The following CDH6 variants were observed in gnomAD, a reference collection of about 807,000 sequenced individuals.
The protein encoded by CDH6 is cadherin-6.
In CDH6, 31 loss-of-function variants were observed where a neutral mutation model predicts 78.0. That is an observed-to-expected ratio of 0.40 (90% confidence interval 0.30 to 0.54). CDH6 has a LOEUF of 0.54. Among genes scored for constraint, CDH6 ranks in the 20% least tolerant of loss-of-function variants. The probability of loss-of-function intolerance (pLI) is 0.56; values close to 1 mark genes in which losing one functional copy is unlikely to be tolerated. For synonymous variants in CDH6, 376 were observed against 368.8 expected, an observed-to-expected ratio of 1.02 and a Z score of -0.23; for missense variants, 724 against 975.9, an observed-to-expected ratio of 0.74 and a Z score of 3.44.
intron 7 of CDH6, among the ~76,000 whole-genome samples, chr5:31,311,462 C>A (rs1738152754): frequency 6.6e-6 from 1 of 152,168 alleles, no homozygotes; most frequent in Non-Finnish European, 1.5e-5. Context: ...CTGAACCCTC[C>A]AATCTGTTCC....
intron 11 of CDH6, chr5:31,318,264 T>C (rs1184179788): frequency 1.8e-6 from 1 of 562,560 alleles, no homozygotes; most frequent in African/African-American, 1.9e-5. Flanking sequence ...TTGGAAAACG[T>C]TGTTAAGTGT....
chr5:31,215,475 A>C (rs1740836353), intron 1 of CDH6, among the ~76,000 whole-genome samples: 1 of 152,218 alleles, frequency 6.6e-6, no homozygotes, highest in African/African-American at 2.4e-5. Flanking sequence ...ACCTAATAAA[A>C]AATATAACTC....
At chr5:31,257,581 G>A (rs1742091958) in intron 1 of CDH6, among the ~76,000 whole-genome samples, 1 of 152,192 alleles carries the variant, frequency 6.6e-6, no homozygotes, top group Admixed American at 6.5e-5. Flanking sequence ...TTTATCTGGT[G>A]TTACTATGTG....
At chr5:31,244,912 C>A (rs1561039824) in intron 1 of CDH6, among the ~76,000 whole-genome samples, 1 of 152,202 alleles carries the variant, frequency 6.6e-6, no homozygotes, top group Admixed American at 6.5e-5. Context: ...TAATCATATA[C>A]TGAGCCCCCC....
At chr5:31,281,023 A>C (rs1185019413) in intron 2 of CDH6, among the ~76,000 whole-genome samples, 1 of 152,174 alleles carries the variant, frequency 6.6e-6, no homozygotes, top group Non-Finnish European at 1.5e-5. Context: ...TATTGTGCAC[A>C]TACAGGATGC....
At chr5:31,226,778 A>C (rs565792993) in intron 1 of CDH6, among the ~76,000 whole-genome samples, 1 of 152,330 alleles carries the variant, frequency 6.6e-6, no homozygotes, top group South Asian at 2.1e-4. Context: ...TGCTATTTTC[A>C]GAAACTGTTT....
At chr5:31,289,104 A>G (rs941519420) in intron 2 of CDH6, among the ~76,000 whole-genome samples, 1 of 151,878 alleles carries the variant, frequency 6.6e-6, no homozygotes, top group Non-Finnish European at 1.5e-5. Context: ...CCAGTAGGTG[A>G]TTTTTCAGCC....
intron 2 of CDH6, among the ~76,000 whole-genome samples, chr5:31,287,555 A>G (rs1371309533): frequency 6.6e-6 from 1 of 152,206 alleles, no homozygotes; most frequent in East Asian, 1.9e-4. Flanking sequence ...GGATGAGGAA[A>G]TAAAGGCCTG....
At chr5:31,302,771 AAGAAGAAAGAG>A (rs1361482055) in intron 6 of CDH6, among the ~76,000 whole-genome samples, 11 of 50,874 alleles carry the variant, frequency 2.2e-4, no homozygotes, top group Non-Finnish European at 4.0e-4. Flanking sequence ...GAAAGAAAGA[AAGAAGAAAGAG>A]AGAGAGAGAG....
At chr5:31,245,670 T>C (rs1248150853) in intron 1 of CDH6, among the ~76,000 whole-genome samples, 1 of 152,198 alleles carries the variant, frequency 6.6e-6, no homozygotes, top group Non-Finnish European at 1.5e-5. Context: ...TTCCTCATCA[T>C]GGATTTTTAT....
At chr5:31,259,352 G>T (rs963256504) in intron 1 of CDH6, among the ~76,000 whole-genome samples, 1 of 152,050 alleles carries the variant, frequency 6.6e-6, no homozygotes, top group East Asian at 1.9e-4. Flanking sequence ...TTCTGTTTTG[G>T]ACTTGCCATC....
intron 2 of CDH6, among the ~76,000 whole-genome samples, chr5:31,289,965 T>TAA (rs532111058): frequency 2.7e-5 from 4 of 146,996 alleles, no homozygotes; most frequent in Non-Finnish European, 4.5e-5. Flanking sequence ...GATGCTGTAT[T>TAA]AAAAAAAAAA....
chr5:31,302,915 GA>G (rs1737847268), intron 6 of CDH6, among the ~76,000 whole-genome samples: 1 of 111,760 alleles, frequency 8.9e-6, no homozygotes, highest in African/African-American at 2.9e-5. Context: ...AAGAAAGAAA[GA>G]AAGAAAGAAA....
chr5:31,235,732 G>GT (rs1394710853), intron 1 of CDH6, among the ~76,000 whole-genome samples: 1 of 152,104 alleles, frequency 6.6e-6, no homozygotes, highest in African/African-American at 2.4e-5. Flanking sequence ...ATATGTTCTG[G>GT]TTTTTTAACC....
chr5:31,207,492 TGA>T (rs1271816278), intron 1 of CDH6, among the ~76,000 whole-genome samples: 2 of 152,222 alleles, frequency 1.3e-5, no homozygotes, highest in African/African-American at 4.8e-5. Context: ...CCTAATGGTG[TGA>T]GTGTGTCAGA....
intron 11 of CDH6, among the ~76,000 whole-genome samples, chr5:31,322,127 T>C (rs1439090673): frequency 6.6e-6 from 1 of 152,220 alleles, no homozygotes; most frequent in Non-Finnish European, 1.5e-5. Context: ...CATGTATTTA[T>C]TTCATTTAGC....
intron 2 of CDH6, among the ~76,000 whole-genome samples, chr5:31,282,242 G>T (rs748547664): frequency 5.3e-5 from 8 of 152,096 alleles, no homozygotes; most frequent in Non-Finnish European, 8.8e-5. Context: ...AAATCAAGGT[G>T]TCTGCAAGAT....
intron 1 of CDH6, among the ~76,000 whole-genome samples, chr5:31,221,548 T>A (rs1365839961): frequency 6.6e-6 from 1 of 152,214 alleles, no homozygotes; most frequent in Non-Finnish European, 1.5e-5. Flanking sequence ...AACATTTTAT[T>A]AAATACACCT....
chr5:31,222,754 T>C (rs1304659202), intron 1 of CDH6, among the ~76,000 whole-genome samples: 1 of 152,174 alleles, frequency 6.6e-6, no homozygotes, highest in Non-Finnish European at 1.5e-5. Flanking sequence ...TTTTATAACC[T>C]AAATCAAAGT....
Sources: allele counts gnomAD v4.1 joint callset (sites outside exome capture counted in the v4.1 genomes callset), GRCh38; gene constraint gnomAD v4.1.1; transcripts MANE v1.5; gene names NCBI Gene and HGNC (gene_info 2026-07-23, HGNC 2026-07-21).